The following PLCG2 variants were observed in gnomAD, a reference collection of about 807,000 sequenced individuals.
PLCG2 encodes phospholipase C gamma 2.
A neutral mutation model predicts 175.6 loss-of-function variants in PLCG2; 69 were observed. That is an observed-to-expected ratio of 0.39 (90% CI 0.32 to 0.48). The LOEUF (loss-of-function observed/expected upper bound fraction) is 0.48, where lower values mean the gene tolerates loss of function less well. Ranked by LOEUF, PLCG2 falls within the 20% of genes least tolerant of loss-of-function variation. The probability of loss-of-function intolerance (pLI) is 0.91; values close to 1 mark genes in which losing one functional copy is unlikely to be tolerated. For synonymous variants in PLCG2, 827 were observed against 624.0 expected, an observed-to-expected ratio of 1.33 and a Z score of -4.85; for missense variants, 1,798 against 1,650.9, an observed-to-expected ratio of 1.09 and a Z score of -1.54.
intron 2 of PLCG2, among the ~76,000 whole-genome samples, chr16:81,844,803 T>A (rs577574261): frequency 6.6e-6 from 1 of 152,408 alleles, no homozygotes; most frequent in East Asian, 1.9e-4. Context: ...CATGGCCATG[T>A]ATGTGTGTAC....
At chr16:81,843,847 G>C (rs571043223) in intron 2 of PLCG2, among the ~76,000 whole-genome samples, 3 of 152,362 alleles carry the variant, frequency 2.0e-5, no homozygotes, top group South Asian at 4.1e-4. Flanking sequence ...AGGATGCCGG[G>C]TTTGATGTGC....
intron 2 of PLCG2, among the ~76,000 whole-genome samples, chr16:81,820,350 C>T (rs12445621): frequency 0.54 from 81,611 of 151,816 alleles, 22,238 homozygotes; most frequent in East Asian, 0.81. Flanking sequence ...TGCCCCAGGC[C>T]ACCCCAACCT....
chr16:81,911,905 C>A (rs1451097757), intron 18 of PLCG2, among the ~76,000 whole-genome samples: 1 of 136,010 alleles, frequency 7.4e-6, no homozygotes, highest in Non-Finnish European at 1.5e-5. Flanking sequence ...TCAAGTGATT[C>A]TCCTGCCTCA....
chr16:81,934,569 T>C, intron 26 of PLCG2, 38 bp downstream of exon 26: 1 of 1,220,274 alleles, frequency 8.2e-7, no homozygotes, highest in Non-Finnish European at 1.2e-6. Context: ...ATAACTCCAA[T>C]GAAAACTTAA....
chr16:81,879,349 A>G (rs534511957), intron 7 of PLCG2, among the ~76,000 whole-genome samples: 2 of 152,336 alleles, frequency 1.3e-5, no homozygotes, highest in Admixed American at 1.3e-4. Context: ...TTTTAAAAAG[A>G]AATACCTATG....
intron 24 of PLCG2, among the ~76,000 whole-genome samples, chr16:81,929,992 G>C (rs1444462823): frequency 6.6e-6 from 1 of 152,144 alleles, no homozygotes; most frequent in Non-Finnish European, 1.5e-5. Flanking sequence ...ACTACTACTA[G>C]CTGTATGACT....
At chr16:81,776,332 A>T (rs1910405705), upstream of PLCG2, among the ~76,000 whole-genome samples, 1 of 151,356 alleles carries the variant, frequency 6.6e-6, no homozygotes, top group Non-Finnish European at 1.5e-5. Context: ...GATGGTCTTG[A>T]TCTTCCAACC....
intron 2 of PLCG2, among the ~76,000 whole-genome samples, chr16:81,846,944 G>T (rs529806249): frequency 3.9e-5 from 6 of 152,088 alleles, no homozygotes; most frequent in Non-Finnish European, 8.8e-5. Flanking sequence ...ACACCAGTTT[G>T]GTGTCCTCTA....
At chr16:81,916,845 C>T (rs1192973356) in intron 19 of PLCG2, among the ~76,000 whole-genome samples, 1 of 152,070 alleles carries the variant, frequency 6.6e-6, no homozygotes, top group Non-Finnish European at 1.5e-5. Flanking sequence ...ACCATGTTGG[C>T]CAGGCTGGTA....
intron 2 of PLCG2, among the ~76,000 whole-genome samples, chr16:81,816,487 T>TA (rs2143315694): frequency 6.6e-6 from 1 of 150,876 alleles, no homozygotes; most frequent in South Asian, 2.1e-4. Context: ...ATTATAATTT[T>TA]TTTTTTTTGA....
intron 1 of PLCG2, among the ~76,000 whole-genome samples, chr16:81,785,329 A>G (rs1294863637): frequency 6.6e-6 from 1 of 152,116 alleles, no homozygotes; most frequent in Non-Finnish European, 1.5e-5. Context: ...GAGGTCAAGC[A>G]GTCTACCCAG....
Position 81,744,236 on chromosome 16 carries a change from T to G in PLCG2, c.-145+4851T>G, listed in dbSNP as rs9939612. On this transcript the variant is annotated intron_variant, in intron 1 of 5. Transcript: ENST00000565054. ...AGGCTGGTGTGCAGTGGAGTGATTTTGGCTCACTGTCAGCTCCGGCTCCTG... is the reference window on the plus strand; with the variant it reads ...AGGCTGGTGTGCAGTGGAGTGATTTGGGCTCACTGTCAGCTCCGGCTCCTG... 1.2e-3 allele frequency among the ~76,000 whole-genome samples: 173 copies of G among 147,996 alleles called. 3 individuals are homozygous for G. The East Asian group carries it at 0.03, about 26-fold the overall frequency.
Position 81,863,905 on chromosome 16 carries a change from A to T in PLCG2, c.479+4742A>T, listed in dbSNP as rs139333012. On this transcript the variant is annotated intron_variant, in intron 5 of 32. Coordinates refer to ENST00000564138, the MANE Select transcript of PLCG2 (RefSeq NM_002661.5). The stretch of plus-strand genomic sequence containing the variant: ...GCAGGTGGGTGAGTCCATTTATCTC[A>T]TTCAGCGTGAATGCAAATAGGCTTC... Among the ~76,000 whole-genome samples the T allele has an allele frequency of 8.5e-3, 1,296 of 152,208 alleles. 24 individuals carry two copies. The highest frequency in any genetic ancestry group is 0.03 in the African/African-American group (1,233 of 41,512).
At chr16:81,777,188 G>C (rs949548803), upstream of PLCG2, among the ~76,000 whole-genome samples, 42 of 152,164 alleles carry the variant, frequency 2.8e-4, no homozygotes, top group Admixed American at 1.2e-3. Flanking sequence ...GAAAAATCCA[G>C]CCAGAATTGG....
rs560715998 is a variant in PLCG2, at chr16:81,896,111, C to T, written c.1193+184C>T. On this transcript the variant is annotated intron_variant, in intron 13 of 32. Coordinates refer to ENST00000564138, the MANE Select transcript of PLCG2 (RefSeq NM_002661.5). ...CCCGAGTGTTGGCACCCCCTGCAGG[C>T]CGAGAGTGCAAGTTGCTCCCGGGCT... Among the ~76,000 whole-genome samples, 10 of 152,278 alleles carry T rather than the reference C, an allele frequency of 6.6e-5. No homozygotes were observed. The South Asian group carries it at 1.5e-3, about 22-fold the overall frequency.
At chr16:81,742,174 G>C (rs866851141) in intron 1 of PLCG2, among the ~76,000 whole-genome samples, 2 of 150,634 alleles carry the variant, frequency 1.3e-5, no homozygotes, top group Non-Finnish European at 2.9e-5. Context: ...GGCGGTGTTG[G>C]CTAAAATTGA....
chr16:81,764,401 G>T (rs972934892), intron 2 of PLCG2, among the ~76,000 whole-genome samples: 40 of 152,220 alleles, frequency 2.6e-4, no homozygotes, highest in African/African-American at 9.6e-4. Flanking sequence ...GAATGTCAAT[G>T]TGACAGTGTA....
At chr16:81,853,823 T>A (rs1906544552) in intron 2 of PLCG2, among the ~76,000 whole-genome samples, 1 of 152,166 alleles carries the variant, frequency 6.6e-6, no homozygotes, top group Non-Finnish European at 1.5e-5. Context: ...TACTCTGGAC[T>A]GTTACCAGAG....
chr16:81,910,949 A>C (rs774314314), intron 18 of PLCG2, among the ~76,000 whole-genome samples: 1 of 151,258 alleles, frequency 6.6e-6, no homozygotes, highest in Non-Finnish European at 1.5e-5. Flanking sequence ...CCTTTCTTCT[A>C]CTTTGTCTTC....
Sources: allele counts gnomAD v4.1 joint callset (sites outside exome capture counted in the v4.1 genomes callset), GRCh38; gene constraint gnomAD v4.1.1; transcripts MANE v1.5; gene names NCBI Gene and HGNC (gene_info 2026-07-23, HGNC 2026-07-21).